TNIP3: variants seen among roughly 807,000 people sequenced by gnomAD.
The protein encoded by TNIP3 is TNFAIP3-interacting protein 3.
TNIP3 carries 34 observed loss-of-function variants against 54.1 expected under a neutral mutation model. That is an observed-to-expected ratio of 0.63 (90% CI 0.48 to 0.84). TNIP3 has a LOEUF of 0.84. TNIP3 is among the 40% of genes least tolerant of loss of function. The pLI is 0.00. For synonymous variants in TNIP3, 134 were observed against 136.8 expected (o/e 0.98, Z 0.14); for missense variants, 366 against 387.6 (o/e 0.94, Z 0.47).
At chr4:121,177,212 C>T (rs1724410062) in intron 3 of TNIP3, among the ~76,000 whole-genome samples, 1 of 152,274 alleles carries the variant, frequency 6.6e-6, no homozygotes, top group African/African-American at 2.4e-5. Context: ...AGTACTTGGA[C>T]TATAACTTGG....
chr4:121,195,048 A>T (rs1350909100), intron 2 of TNIP3, among the ~76,000 whole-genome samples: 1 of 148,808 alleles, frequency 6.7e-6, no homozygotes, highest in Non-Finnish European at 1.5e-5. Flanking sequence ...GGTGGCTGTA[A>T]TCCCAGCTAC....
chr4:121,220,468 GT>G (rs1027905164), upstream of TNIP3, among the ~76,000 whole-genome samples: 1 of 152,064 alleles, frequency 6.6e-6, no homozygotes, highest in East Asian at 1.9e-4. Context: ...ATGCTTTTAG[GT>G]TTTTATGATA....
upstream of TNIP3, among the ~76,000 whole-genome samples, chr4:121,168,686 A>G (rs1192513951): frequency 6.6e-6 from 1 of 151,684 alleles, no homozygotes; most frequent in Non-Finnish European, 1.5e-5. Context: ...GGCTATTTTT[A>G]TCTTTTAAAT....
intron 7 of TNIP3, among the ~76,000 whole-genome samples, chr4:121,143,473 T>C (rs1729239220): frequency 1.3e-5 from 2 of 152,196 alleles, no homozygotes; most frequent in Admixed American, 1.3e-4. Context: ...TTCTGAATGA[T>C]ACCTTTCCAA....
intron 3 of TNIP3, among the ~76,000 whole-genome samples, chr4:121,173,721 C>A (rs1012282410): frequency 1.3e-5 from 2 of 152,194 alleles, no homozygotes; most frequent in Admixed American, 1.3e-4. Context: ...CTCTGCCTCC[C>A]GAGTTCAAGC....
chr4:121,146,667 G>T (rs772865926), intron 7 of TNIP3, among the ~76,000 whole-genome samples: 6 of 151,998 alleles, frequency 3.9e-5, no homozygotes, highest in Non-Finnish European at 5.9e-5. Context: ...TATGTTTTTG[G>T]CAGACAGGAG....
chr4:121,212,045 G>A (rs1318789947), intron 2 of TNIP3, among the ~76,000 whole-genome samples: 1 of 152,142 alleles, frequency 6.6e-6, no homozygotes, highest in Admixed American at 6.5e-5. Flanking sequence ...ATTCTAATTT[G>A]GTATTCTTTT....
intron 9 of TNIP3, among the ~76,000 whole-genome samples, chr4:121,139,080 G>A (rs1341222738): frequency 1.3e-5 from 2 of 152,060 alleles, no homozygotes; most frequent in Non-Finnish European, 2.9e-5. Context: ...GAGAAGGCCA[G>A]GAAAAAAAGT....
In TNIP3 at chr4:121,225,460, C is replaced by G. The variant is rs145170452; in HGVS notation, c.3+1925G>C. ...TTTTTCTTTAAGACTTGTGGATGTA[C>G]ACGTGAAAAGTGATTTCTTTTTGTT... is the stretch of plus-strand genomic sequence containing the variant. On this transcript the variant is annotated intron_variant, in intron 1 of 12. Transcript: ENST00000509841. 4.7e-3 allele frequency among the ~76,000 whole-genome samples: 718 copies of G among 152,214 alleles called. 3 individuals carry two copies. Among genetic ancestry groups the G allele is most frequent in the African/African-American group, 0.017 (688 of 41,520 alleles).
At chr4:121,169,934 A>G (rs1730978173) in intron 3 of TNIP3, among the ~76,000 whole-genome samples, 1 of 152,224 alleles carries the variant, frequency 6.6e-6, no homozygotes, top group Non-Finnish European at 1.5e-5. Context: ...CATCAGATAC[A>G]TTAGAAGGCA....
At chr4:121,173,690 G>A (rs918554634) in intron 3 of TNIP3, among the ~76,000 whole-genome samples, 9 of 152,238 alleles carry the variant, frequency 5.9e-5, no homozygotes, top group Middle Eastern at 3.4e-3. Context: ...GCGCAATGGT[G>A]AGAACTTGGC....
chr4:121,168,672 A>G (rs938588986), upstream of TNIP3, among the ~76,000 whole-genome samples: 3 of 151,988 alleles, frequency 2.0e-5, no homozygotes, highest in Non-Finnish European at 4.4e-5. Flanking sequence ...GTACAACCAC[A>G]TCTGGCTATT....
At chr4:121,216,494 A>C (rs1726799604) in exon 2 of TNIP3, 1 of 1,535,662 alleles carries the variant, frequency 6.5e-7, no homozygotes, top group Non-Finnish European at 8.7e-7. Flanking sequence ...AGCCATCCAC[A>C]TGGAATCTAA....
exon 3 of TNIP3, chr4:121,182,767 A>G: frequency 1.3e-6 from 2 of 1,534,146 alleles, no homozygotes; most frequent in Non-Finnish European, 1.7e-6. Context: ...CAGATCCTGG[A>G]TTTTTTTGTC....
chr4:121,149,439 A>C (rs995878627), intron 6 of TNIP3, among the ~76,000 whole-genome samples: 1 of 152,222 alleles, frequency 6.6e-6, no homozygotes, highest in African/African-American at 2.4e-5. Context: ...CATTTTCTGA[A>C]AAAGTCCAGA....
At chr4:121,201,394 T>C (rs955574411) in intron 2 of TNIP3, among the ~76,000 whole-genome samples, 1 of 152,188 alleles carries the variant, frequency 6.6e-6, no homozygotes, top group Admixed American at 6.5e-5. Context: ...ATCTCATGTG[T>C]TTAAAATTAG....
At chr4:121,198,423 T>C (rs1181802816) in intron 2 of TNIP3, among the ~76,000 whole-genome samples, 1 of 152,210 alleles carries the variant, frequency 6.6e-6, no homozygotes, top group Non-Finnish European at 1.5e-5. Context: ...GAAATCATTC[T>C]CACAGAGCTA....
chr4:121,133,831 T>C (rs1728621037), intron 10 of TNIP3, among the ~76,000 whole-genome samples: 1 of 152,174 alleles, frequency 6.6e-6, no homozygotes, highest in Admixed American at 6.5e-5. Flanking sequence ...AGATGGAAGA[T>C]GGTCATGTGA....
chr4:121,185,524 TTGTC>T (rs1724968265), intron 2 of TNIP3, among the ~76,000 whole-genome samples: 1 of 152,212 alleles, frequency 6.6e-6, no homozygotes, highest in African/African-American at 2.4e-5. Flanking sequence ...GGAAAGGCCT[TTGTC>T]TGTGTTTATT....
Sources: gnomAD v4.1 joint callset for allele counts (sites outside exome capture counted in the v4.1 genomes callset) on GRCh38, gnomAD v4.1.1 for gene constraint, MANE v1.5 for transcripts, NCBI Gene and HGNC (gene_info 2026-07-23, HGNC 2026-07-21) for gene names.